The following TDRD1 variants were observed in gnomAD, a reference collection of about 807,000 sequenced individuals.
TDRD1 encodes tudor domain containing 1.
A neutral mutation model predicts 140.6 loss-of-function variants in TDRD1; 37 were observed. That is an observed-to-expected ratio of 0.26 (90% CI 0.20 to 0.35). The LOEUF is 0.35. Among genes scored for constraint, TDRD1 ranks in the 10% least tolerant of loss-of-function variants. The probability of loss-of-function intolerance (pLI) is 1.00; values close to 1 mark genes in which losing one functional copy is unlikely to be tolerated. For missense variants in TDRD1, 1,243 were observed against 1,393.0 expected (o/e 0.89, Z 1.71); for synonymous variants, 506 against 475.7 (o/e 1.06, Z -0.83).
chr10:114,202,140 C>A, intron 5 of TDRD1, 98 bp from the exon 6 acceptor site: 1 of 923,568 alleles, frequency 1.1e-6, no homozygotes, highest in Non-Finnish European at 1.6e-6. Context: ...TTTGCTCTTT[C>A]AGGATTTTGT....
At chr10:114,216,240 CT>C (rs1331951826) in intron 16 of TDRD1, among the ~76,000 whole-genome samples, 1 of 152,132 alleles carries the variant, frequency 6.6e-6, no homozygotes, top group African/African-American at 2.4e-5. Flanking sequence ...CACTAGTGTC[CT>C]TTTTCTGTTC....
At chr10:114,212,057 C>A in intron 14 of TDRD1, 21 bp downstream of exon 14, 1 of 1,572,500 alleles carries the variant, frequency 6.4e-7, no homozygotes, top group Non-Finnish European at 8.6e-7. Context: ...TTTATAGCCT[C>A]CATATTCTTT....
intron 4 of TDRD1, among the ~76,000 whole-genome samples, chr10:114,199,931 C>T (rs1020505770): frequency 2.6e-5 from 4 of 152,106 alleles, no homozygotes; most frequent in East Asian, 1.9e-4. Flanking sequence ...TACAAGTGTT[C>T]GTGTGGACAT....
At chr10:114,226,014 G>A (rs780559485) in intron 21 of TDRD1, 35 bp from the exon 22 acceptor site, 4 of 1,586,244 alleles carry the variant, frequency 2.5e-6, no homozygotes, top group South Asian at 1.1e-5. Flanking sequence ...ATCACTGACT[G>A]TAAGTTCTTA....
chr10:114,192,367 G>A (rs894052015), intron 3 of TDRD1, among the ~76,000 whole-genome samples: 5 of 139,608 alleles, frequency 3.6e-5, no homozygotes, highest in East Asian at 4.3e-4. Flanking sequence ...GCAGTGGCGC[G>A]ATCTCGGCTC....
exon 15 of TDRD1, chr10:114,213,353 G>A (rs2035608883): frequency 2.5e-6 from 4 of 1,611,410 alleles, no homozygotes; most frequent in African/African-American, 1.3e-5. Context: ...TAGGAGTAAA[G>A]CCATCATTAG....
intron 4 of TDRD1, 82 bp from the exon 5 acceptor site, chr10:114,201,328 A>G: frequency 9.1e-7 from 1 of 1,102,788 alleles, no homozygotes; most frequent in Non-Finnish European, 1.4e-6. Context: ...TGCCATGGCT[A>G]ATAGAATGAT....
intron 18 of TDRD1, among the ~76,000 whole-genome samples, chr10:114,219,071 G>C (rs2035981998): frequency 6.6e-6 from 1 of 152,170 alleles, no homozygotes; most frequent in Admixed American, 6.5e-5. Flanking sequence ...TTAGGACAGG[G>C]TCTGGCACTC....
At chr10:114,179,291 T>G (rs1351478563) in exon 1 of TDRD1, 2 of 152,500 alleles carry the variant, frequency 1.3e-5, no homozygotes, top group Admixed American at 1.3e-4. Context: ...GAGGGCGCAC[T>G]GGGGATTGGA....
At chr10:114,199,418 G>A in intron 4 of TDRD1, 101 bp downstream of exon 4, 1 of 1,425,948 alleles carries the variant, frequency 7.0e-7, no homozygotes, top group Admixed American at 2.6e-5. Context: ...TTAGAACAGT[G>A]TCCCCATGCC....
chr10:114,207,010 A>G (rs1047155625), intron 11 of TDRD1, among the ~76,000 whole-genome samples: 1 of 152,200 alleles, frequency 6.6e-6, no homozygotes, highest in African/African-American at 2.4e-5. Flanking sequence ...ATTCTGTTCC[A>G]GTAGGACAGT....
intron 1 of TDRD1, among the ~76,000 whole-genome samples, chr10:114,180,479 C>T (rs2032952832): frequency 6.6e-6 from 1 of 151,986 alleles, no homozygotes; most frequent in Admixed American, 6.6e-5. Flanking sequence ...TTTGTTTGTT[C>T]TTTGAGTAAG....
In TDRD1 at chr10:114,203,056, G is replaced by A. The variant is rs551941913; in HGVS notation, c.697-16G>A. On this transcript the variant is annotated splice_polypyrimidine_tract_variant and intron_variant, in intron 6 of 25. Coordinates refer to ENST00000251864, the Ensembl canonical transcript of TDRD1. ...TGCTTTTAAGTAACTCACTTCTGTGGTATTTTTCAAACCAGAGTGACTGTC... is the reference window on the plus strand; with the variant it reads ...TGCTTTTAAGTAACTCACTTCTGTGATATTTTTCAAACCAGAGTGACTGTC... 88 of 1,566,754 alleles carry A rather than the reference G, an allele frequency of 5.6e-5. 1 individual carries two copies. The South Asian group carries it at 9.2e-4, about 16-fold the overall frequency.
intron 7 of TDRD1, 31 bp downstream of exon 7, chr10:114,203,207 C>T: frequency 1.3e-6 from 2 of 1,552,070 alleles, no homozygotes; most frequent in Non-Finnish European, 1.8e-6. Flanking sequence ...TCCATAGACA[C>T]AGATCCAGAG....
At chr10:114,217,728 A>G in intron 17 of TDRD1, 73 bp downstream of exon 17, 1 of 748,040 alleles carries the variant, frequency 1.3e-6, no homozygotes. Context: ...TTTAGTGCAC[A>G]TTTTCTTAAT....
At chr10:114,190,637 A>G (rs550309650) in intron 2 of TDRD1, among the ~76,000 whole-genome samples, 1 of 152,164 alleles carries the variant, frequency 6.6e-6, no homozygotes, top group Non-Finnish European at 1.5e-5. Flanking sequence ...ACAAGAGTGC[A>G]CCACCATGCC....
chr10:114,195,274 T>C (rs770727285), intron 3 of TDRD1, among the ~76,000 whole-genome samples: 1 of 152,196 alleles, frequency 6.6e-6, no homozygotes, highest in Non-Finnish European at 1.5e-5. Context: ...GTGGTCTTAG[T>C]ATACATTCTC....
At chr10:114,211,390 C>A (rs375681205) in intron 13 of TDRD1, among the ~76,000 whole-genome samples, 2 of 152,344 alleles carry the variant, frequency 1.3e-5, no homozygotes, top group East Asian at 3.9e-4. Flanking sequence ...CAAGTCCTGC[C>A]TTGCGATAAC....
chr10:114,216,881 A>C (rs758229835), intron 16 of TDRD1, among the ~76,000 whole-genome samples: 6 of 152,142 alleles, frequency 3.9e-5, no homozygotes, highest in Non-Finnish European at 8.8e-5. Context: ...CTTAAAAGGC[A>C]TTTGCTTTTC....
Sources: allele counts gnomAD v4.1 joint callset (sites outside exome capture counted in the v4.1 genomes callset), GRCh38; gene constraint gnomAD v4.1.1; transcripts MANE v1.5; gene names NCBI Gene and HGNC (gene_info 2026-07-23, HGNC 2026-07-21).